The following RGS22 variants were observed in gnomAD, a reference collection of about 807,000 sequenced individuals.
RGS22 encodes regulator of G protein signaling 22, also known as regulator of G-protein signaling 22.
In RGS22, 148 loss-of-function variants were observed where a neutral mutation model predicts 172.9. The observed-to-expected ratio is 0.86, with a 90% CI of 0.75 to 0.98. The LOEUF (loss-of-function observed/expected upper bound fraction) is 0.98, where lower values mean the gene tolerates loss of function less well. Among genes scored for constraint, RGS22 ranks in the 50% least tolerant of loss-of-function variants. The pLI is 0.00. For synonymous variants in RGS22, 458 were observed against 480.2 expected, an observed-to-expected ratio of 0.95 and a Z score of 0.60; for missense variants, 1,347 against 1,440.8, an observed-to-expected ratio of 0.93 and a Z score of 1.05.
intron 23 of RGS22, among the ~76,000 whole-genome samples, chr8:99,974,654 C>T (rs993033446): frequency 3.3e-5 from 5 of 151,176 alleles, no homozygotes; most frequent in African/African-American, 1.2e-4. Context: ...AAAAATTAGC[C>T]AGGTGTGGCA....
intron 3 of RGS22, among the ~76,000 whole-genome samples, chr8:100,083,701 T>A (rs1253116297): frequency 6.6e-6 from 1 of 151,970 alleles, no homozygotes; most frequent in Non-Finnish European, 1.5e-5. Context: ...AAAGCAAAAC[T>A]ACAGCTGAGA....
chr8:99,979,799 G>T (rs1408276475), intron 22 of RGS22, among the ~76,000 whole-genome samples: 2 of 152,186 alleles, frequency 1.3e-5, no homozygotes, highest in African/African-American at 2.4e-5. Flanking sequence ...GGACTGCAAA[G>T]ATAAATAAGA....
In RGS22 at chr8:100,039,012, G is replaced by A; in HGVS notation, c.2085C>T (p.Tyr695=). 1 of 1,606,870 alleles carries A rather than the reference G, an allele frequency of 6.2e-7. No individual in the cohort carries two copies. Among genetic ancestry groups the A allele is most frequent in the Admixed American group, 1.7e-5 (1 of 59,478 alleles). ...SGNKLWKNSV[Y]FWFDLQAYHQ... Reference sequence around the variant, plus strand: ...GATAAGCCTGCAGGTCAAACCAAAAGTACACACTGTTCTTCCACAACTACA... The same window carrying A: ...GATAAGCCTGCAGGTCAAACCAAAAATACACACTGTTCTTCCACAACTACA... The change falls in exon 14 of 28, where the codon TAC becomes TAT. Residue 695 remains tyrosine, a synonymous_variant. Transcript: ENST00000360863.
rs1180816985 is a variant in RGS22 at position 100,066,250 on chromosome 8, CT to C, written c.640del (p.Ser214ValfsTer51). The C allele has an allele frequency of 1.2e-6, 2 of 1,613,414 alleles. No homozygotes were observed. The highest frequency in any genetic ancestry group is 1.7e-6 in the Non-Finnish European group (2 of 1,179,500). On this transcript the variant is annotated frameshift_variant, in exon 7 of 28. Coordinates refer to ENST00000360863, the MANE Select transcript of RGS22 (RefSeq NM_015668.5). LOFTEE classifies it high-confidence loss of function. ...TKDWFALAKQ[S>X]QQTVSTFSLP... is the part of the protein sequence containing the mutation. ...CGAAAAGGTTGATACTGTTTGCTGA[CT>C]TTGTTTTGCTAATGCAAACCAATCT...
At position 99,987,481 on chromosome 8, in the gene RGS22, A is replaced by C; in HGVS notation, c.3157T>G (p.Trp1053Gly). ...ACCTTATATTTTTGTACTTCTTGCC[A>C]AAAGAGTAAACCATTTTCCAATAAA... The part of the protein sequence containing the change: ...GDLLENGLLF[W>G]QEVQKYKDLC... Residue 1053 changes from tryptophan to glycine, a missense_variant, in exon 21 of 28, where the codon TGG (tryptophan) becomes GGG (glycine). Trp to Gly is a radical substitution (Grantham distance 184, BLOSUM62 -2). Coordinates refer to ENST00000360863, the MANE Select transcript of RGS22 (RefSeq NM_015668.5). The C allele has an allele frequency of 6.2e-7, 1 of 1,609,964 alleles. No homozygotes were observed.
At chr8:99,997,529 A>G (rs1236170724) in intron 19 of RGS22, among the ~76,000 whole-genome samples, 1 of 152,192 alleles carries the variant, frequency 6.6e-6, no homozygotes, top group African/African-American at 2.4e-5. Flanking sequence ...TGTGTTTTCC[A>G]TAAGTTGCTC....
Position 100,093,607 on chromosome 8 carries a change from G to C in RGS22, c.55-98C>G, listed in dbSNP as rs1812752685. 3 of 791,316 alleles carry C rather than the reference G, an allele frequency of 3.8e-6. No homozygotes were observed. The South Asian group carries it at 5.3e-5, about 14-fold the overall frequency. The allele number at this position is 791,316 out of a possible 1,614,324, so 49.0% of individuals were successfully genotyped here. ...TCTGCTACGAATTTATTATCACATAGATCTTCAAATCTCTTTTAGTCAGTC... is the reference window on the plus strand; with the variant it reads ...TCTGCTACGAATTTATTATCACATACATCTTCAAATCTCTTTTAGTCAGTC... On this transcript the variant is annotated intron_variant, in intron 2 of 27. Coordinates refer to ENST00000360863, the MANE Select transcript of RGS22 (RefSeq NM_015668.5).
At chr8:100,095,632 A>G (rs535078032) in intron 2 of RGS22, among the ~76,000 whole-genome samples, 5 of 152,310 alleles carry the variant, frequency 3.3e-5, no homozygotes, top group South Asian at 2.1e-4. Context: ...AAACTGCCAT[A>G]AAGGTTCTAA....
intron 20 of RGS22, among the ~76,000 whole-genome samples, chr8:99,995,665 A>C (rs1287823681): frequency 6.6e-6 from 1 of 152,220 alleles, no homozygotes; most frequent in Non-Finnish European, 1.5e-5. Flanking sequence ...CGTTGGTGAG[A>C]GTGTAAATTG....
intron 23 of RGS22, among the ~76,000 whole-genome samples, chr8:99,974,568 G>T (rs1179232766): frequency 6.6e-6 from 1 of 152,140 alleles, no homozygotes; most frequent in East Asian, 1.9e-4. Flanking sequence ...GGGAGGCCAA[G>T]GTGGGTGGAT....
At chr8:99,968,325 C>T (rs1810976402) in intron 23 of RGS22, among the ~76,000 whole-genome samples, 1 of 152,108 alleles carries the variant, frequency 6.6e-6, no homozygotes, top group Non-Finnish European at 1.5e-5. Context: ...TGCCTCTTCT[C>T]CTCCAAAGGA....
At chr8:99,992,667 G>A (rs1376148849) in intron 20 of RGS22, among the ~76,000 whole-genome samples, 2 of 152,082 alleles carry the variant, frequency 1.3e-5, no homozygotes, top group Non-Finnish European at 2.9e-5. Flanking sequence ...CAATAATAAT[G>A]GGAGACTTTA....
intron 5 of RGS22, 77 bp downstream of exon 5, chr8:100,072,068 T>C: frequency 1.2e-6 from 1 of 830,806 alleles, no homozygotes; most frequent in Non-Finnish European, 1.9e-6. Context: ...CATGGTGGCA[T>C]ACAGCTGTAG....
At chr8:99,985,079 C>G (rs1812940810) in intron 21 of RGS22, among the ~76,000 whole-genome samples, 1 of 152,120 alleles carries the variant, frequency 6.6e-6, no homozygotes, top group Non-Finnish European at 1.5e-5. Flanking sequence ...ACAATCAATA[C>G]TGAGAAGCAG....
intron 20 of RGS22, among the ~76,000 whole-genome samples, chr8:99,991,584 C>T (rs552106249): frequency 1.3e-3 from 201 of 152,076 alleles, no homozygotes; most frequent in African/African-American, 4.3e-3. Context: ...TAAAAAGAAA[C>T]GAACAAAGCC....
chr8:99,966,425 C>T (rs536090379), intron 23 of RGS22, among the ~76,000 whole-genome samples: 1 of 150,832 alleles, frequency 6.6e-6, no homozygotes. Context: ...TAAATCTATA[C>T]AAATAAAAAA....
intron 23 of RGS22, among the ~76,000 whole-genome samples, chr8:99,967,411 A>C (rs189460566): frequency 6.6e-6 from 1 of 152,076 alleles, no homozygotes; most frequent in Non-Finnish European, 1.5e-5. Context: ...AGGGGGCTGA[A>C]GCCATGGAGC....
chr8:100,059,107 AG>A (rs1435149821), intron 9 of RGS22, among the ~76,000 whole-genome samples: 1 of 152,166 alleles, frequency 6.6e-6, no homozygotes, highest in Non-Finnish European at 1.5e-5. Context: ...AGTATTTGCC[AG>A]CCTCATGGTA....
intron 4 of RGS22, among the ~76,000 whole-genome samples, chr8:100,073,631 G>A (rs1310332817): frequency 6.6e-6 from 1 of 152,160 alleles, no homozygotes; most frequent in Non-Finnish European, 1.5e-5. Flanking sequence ...ACACTGACAA[G>A]CATGCAGGAC....
Sources: allele counts gnomAD v4.1 joint callset (sites outside exome capture counted in the v4.1 genomes callset), GRCh38; gene constraint gnomAD v4.1.1; transcripts MANE v1.5; gene names NCBI Gene and HGNC (gene_info 2026-07-23, HGNC 2026-07-21).